The following DMD variants were observed in gnomAD, a reference collection of about 807,000 sequenced individuals.
DMD encodes the protein mutant dystrophin.
Under a neutral mutation model 330.1 loss-of-function variants are expected in DMD, and 63 were observed. The ratio of observed to expected loss-of-function variants is 0.19; its 90% confidence interval spans 0.16 to 0.24. The LOEUF (loss-of-function observed/expected upper bound fraction) is 0.24, where lower values mean the gene tolerates loss of function less well. DMD is among the 10% of genes least tolerant of loss of function. The pLI, the probability that DMD is intolerant of heterozygous loss-of-function variation, is 1.00. For missense variants in DMD, 3,344 were observed against 2,684.1 expected (o/e 1.25, Z -5.43); for synonymous variants, 1,223 against 959.8 (o/e 1.27, Z -5.07).
intron 5 of DMD, among the ~76,000 whole-genome samples, chrX:32,818,447 C>T (rs1426318131): frequency 9.0e-6 from 1 of 111,428 alleles, no homozygotes; most frequent in African/African-American, 3.3e-5. Context: ...AGGCAGTTAT[C>T]AAAAAATCAT....
chrX:33,195,403 A>G (rs992425069), intron 1 of DMD, among the ~76,000 whole-genome samples: 9 of 111,370 alleles, frequency 8.1e-5, no homozygotes, highest in African/African-American at 2.9e-4. Flanking sequence ...GCATGCATGC[A>G]CTATAGGAGC....
intron 55 of DMD, among the ~76,000 whole-genome samples, chrX:31,617,884 T>C (rs2078300782): frequency 8.9e-6 from 1 of 112,021 alleles, no homozygotes; most frequent in Non-Finnish European, 1.9e-5. Flanking sequence ...CAGGGAATAC[T>C]GTGCAGCCAG....
intron 55 of DMD, among the ~76,000 whole-genome samples, chrX:31,554,757 T>C (rs2074701432): frequency 1.8e-5 from 2 of 111,870 alleles, no homozygotes; most frequent in African/African-American, 6.5e-5. Context: ...GTGGTAGGTA[T>C]ACGGAAGTAC....
At chrX:32,676,515 T>C (rs1361126910) in intron 9 of DMD, among the ~76,000 whole-genome samples, 2 of 111,708 alleles carry the variant, frequency 1.8e-5, no homozygotes, top group African/African-American at 6.5e-5. Context: ...TGAATTCTTT[T>C]GAGAATATGA....
chrX:33,246,831 G>A (rs141416086), intron 1 of DMD, among the ~76,000 whole-genome samples: 2,941 of 109,704 alleles, frequency 0.027, 106 homozygotes, highest in African/African-American at 0.093. Flanking sequence ...GATTACAGGC[G>A]CACACCACCA....
chrX:32,795,027 T>A (rs1208491374), intron 7 of DMD, among the ~76,000 whole-genome samples: 1 of 112,089 alleles, frequency 8.9e-6, no homozygotes, highest in Non-Finnish European at 1.9e-5. Flanking sequence ...AAATGGAAAG[T>A]CATCCCATGT....
intron 2 of DMD, among the ~76,000 whole-genome samples, chrX:32,908,159 G>C (rs1171323365): frequency 8.9e-6 from 1 of 112,172 alleles, no homozygotes; most frequent in African/African-American, 3.2e-5. Context: ...CAATAATTAA[G>C]TGTTGTTCTA....
chrX:32,162,230 G>A (rs1048042498), intron 44 of DMD, among the ~76,000 whole-genome samples: 4 of 111,216 alleles, frequency 3.6e-5, no homozygotes, highest in Non-Finnish European at 7.5e-5. Flanking sequence ...GCAGGATAGG[G>A]AAGGAGGGAG....
chrX:32,004,599 T>G (rs2095648807), intron 44 of DMD, among the ~76,000 whole-genome samples: 1 of 111,637 alleles, frequency 9.0e-6, no homozygotes, highest in Non-Finnish European at 1.9e-5. Context: ...AATAAATCCT[T>G]CTGTTGGGAT....
At chrX:32,058,538 C>A (rs762711223) in intron 44 of DMD, among the ~76,000 whole-genome samples, 2 of 100,337 alleles carry the variant, frequency 2.0e-5, no homozygotes, top group African/African-American at 7.4e-5. Flanking sequence ...CAATGATATA[C>A]TACCTCACGG....
At chrX:32,689,234 T>C (rs1373610712) in intron 9 of DMD, among the ~76,000 whole-genome samples, 2 of 110,751 alleles carry the variant, frequency 1.8e-5, no homozygotes, top group Non-Finnish European at 3.8e-5. Context: ...TCTAGGTTTT[T>C]GGACTATAAC....
At chrX:33,201,542 A>G (rs140347689) in intron 1 of DMD, among the ~76,000 whole-genome samples, 1,431 of 111,536 alleles carry the variant, frequency 0.013, 17 homozygotes, top group South Asian at 0.06. Context: ...TAATATTAAT[A>G]GTCCACGTTA....
At chrX:32,312,511 C>T (rs931213258) in intron 41 of DMD, among the ~76,000 whole-genome samples, 3 of 110,832 alleles carry the variant, frequency 2.7e-5, no homozygotes, top group Non-Finnish European at 5.7e-5. Context: ...TCAAAATATA[C>T]TCACTTTTGT....
intron 2 of DMD, among the ~76,000 whole-genome samples, chrX:33,010,048 GTA>G (rs1157415737): frequency 2.2e-5 from 1 of 44,909 alleles, no homozygotes; most frequent in African/African-American, 5.2e-5. Flanking sequence ...ATACACATGT[GTA>G]TATATACGTG....
chrX:32,781,620 G>C (rs917225511), intron 7 of DMD, among the ~76,000 whole-genome samples: 2 of 109,659 alleles, frequency 1.8e-5, no homozygotes, highest in Non-Finnish European at 3.8e-5. Flanking sequence ...CCTTGCTGCT[G>C]CTTGTGAATG....
At chrX:31,669,260 T>C (rs1265241022) in intron 53 of DMD, among the ~76,000 whole-genome samples, 2 of 111,962 alleles carry the variant, frequency 1.8e-5, no homozygotes, top group Non-Finnish European at 3.8e-5. Flanking sequence ...TCCATATCCT[T>C]GATCAACACT....
At chrX:32,593,696 A>G (rs888947916) in intron 13 of DMD, among the ~76,000 whole-genome samples, 3 of 112,316 alleles carry the variant, frequency 2.7e-5, no homozygotes, top group African/African-American at 9.7e-5. Context: ...TACTTGTTGA[A>G]AAAAATTCAA....
At chrX:32,723,226 C>T (rs903653027) in intron 7 of DMD, among the ~76,000 whole-genome samples, 4 of 111,143 alleles carry the variant, frequency 3.6e-5, no homozygotes, top group East Asian at 2.8e-4. Flanking sequence ...TGTAGTATGT[C>T]GCATTGATTG....
chrX:32,120,904 C>G (rs182863306), intron 44 of DMD, among the ~76,000 whole-genome samples: 3 of 112,354 alleles, frequency 2.7e-5, no homozygotes, highest in Non-Finnish European at 5.6e-5. Context: ...ATTTACTGAC[C>G]TGTCACAGAT....
Sources: gnomAD v4.1 joint callset for allele counts (sites outside exome capture counted in the v4.1 genomes callset) on GRCh38, gnomAD v4.1.1 for gene constraint, MANE v1.5 for transcripts, NCBI Gene and HGNC (gene_info 2026-07-23, HGNC 2026-07-21) for gene names.